XKR7: variants seen among roughly 807,000 people sequenced by gnomAD.
The protein encoded by XKR7 is XK-related protein 7.
XKR7 carries 11 observed loss-of-function variants against 42.2 expected under a neutral mutation model. The ratio of observed to expected loss-of-function variants is 0.26; its 90% confidence interval spans 0.16 to 0.43. The LOEUF (loss-of-function observed/expected upper bound fraction) is 0.43, where lower values mean the gene tolerates loss of function less well. Among genes scored for constraint, XKR7 ranks in the 20% least tolerant of loss-of-function variants. The pLI is 1.00. For missense variants in XKR7, 710 were observed against 802.2 expected (o/e 0.89, Z 1.39); for synonymous variants, 346 against 366.4 (o/e 0.94, Z 0.64).
chr20:31,984,071 G>GACCAACAT lies in XKR7; in HGVS notation c.585-10996_585-10989dup, dbSNP rs1238263316. 7.9e-5 allele frequency among the ~76,000 whole-genome samples: 12 copies of GACCAACAT among 152,026 alleles called. No individual in the cohort carries two copies. In the East Asian group the frequency reaches 2.3e-3, roughly 29 times the overall value. ...GAGGTCAAGAGTTTGAGACCAGCCT[G>GACCAACAT]ACCAACATGGTGAAACCCTGTCTCT... On this transcript the variant is annotated intron_variant, in intron 1 of 2. Transcript: ENST00000562532.
At chr20:31,993,123 T>TACACAC (rs757585119) in intron 1 of XKR7, among the ~76,000 whole-genome samples, 36 of 145,352 alleles carry the variant, frequency 2.5e-4, no homozygotes, top group African/African-American at 1.0e-3. Flanking sequence ...CACATACACA[T>TACACAC]ACACACACAC....
chr20:31,989,971 T>C (rs907335419), intron 1 of XKR7, among the ~76,000 whole-genome samples: 1 of 152,118 alleles, frequency 6.6e-6, no homozygotes, highest in Non-Finnish European at 1.5e-5. Flanking sequence ...TTCCCTTCCC[T>C]GAGGTGTGGT....
At position 32,001,028 on chromosome 20, in the gene XKR7, C is replaced by A. The variant is rs1316541850; in HGVS notation, c.*3571C>A. Reference sequence around the variant, plus strand: ...CATGAGAGTCGGGAAAGACAGAGGGCAGGGAAGGTGAGGCCTGGGGAAAGT... The same window carrying A: ...CATGAGAGTCGGGAAAGACAGAGGGAAGGGAAGGTGAGGCCTGGGGAAAGT... On this transcript the variant is annotated 3_prime_UTR_variant, in exon 3 of 3. Coordinates refer to ENST00000562532, the MANE Select transcript of XKR7 (RefSeq NM_001011718.2). 1 of 152,324 alleles carries A rather than the reference C, an allele frequency of 6.6e-6. No individual in the cohort carries two copies. Among genetic ancestry groups the A allele is most frequent in the Non-Finnish European group, 1.5e-5 (1 of 68,124 alleles). 9.4% of individuals were successfully genotyped at this position (152,324 alleles called of 1,614,324 possible).
At chr20:31,974,108 G>T (rs187827783) in intron 1 of XKR7, among the ~76,000 whole-genome samples, 2 of 152,256 alleles carry the variant, frequency 1.3e-5, no homozygotes, top group African/African-American at 4.8e-5. Context: ...CAGGAGAATC[G>T]CTTGAACCTG....
intron 1 of XKR7, among the ~76,000 whole-genome samples, chr20:31,973,731 A>T (rs571462312): frequency 1.3e-5 from 2 of 152,210 alleles, no homozygotes; most frequent in African/African-American, 4.8e-5. Context: ...ATGTTTGGAG[A>T]TGCTGGTGGA....
intron 1 of XKR7, among the ~76,000 whole-genome samples, chr20:31,973,304 C>T (rs1364975649): frequency 6.6e-6 from 1 of 152,148 alleles, no homozygotes; most frequent in Non-Finnish European, 1.5e-5. Context: ...GTCATTCATT[C>T]AGCAGACATT....
rs1294731061 is a variant in XKR7 at position 31,968,817 on chromosome 20, A to C, written c.584+58A>C. 2.8e-6 allele frequency: 4 copies of C among 1,446,034 alleles called. No homozygotes were observed. Among genetic ancestry groups the C allele is most frequent in the Non-Finnish European group, 3.6e-6 (4 of 1,104,964 alleles). 89.6% of individuals were successfully genotyped at this position (1,446,034 alleles called of 1,614,324 possible). The stretch of plus-strand genomic sequence containing the variant: ...CGAGGAGTGGGGGTGGCGAAGGGCT[A>C]CCTGACGTCCCAGCCCTGATCTGAC... On this transcript the variant is annotated intron_variant, in intron 1 of 2. Transcript: ENST00000562532. The surrounding 1 kb of genome is among the most constrained non-coding windows in gnomAD (Gnocchi z 4.5).
At chr20:31,991,364 T>C (rs2064570118) in intron 1 of XKR7, among the ~76,000 whole-genome samples, 1 of 152,196 alleles carries the variant, frequency 6.6e-6, no homozygotes, top group Non-Finnish European at 1.5e-5. Context: ...GCCTGTGTTC[T>C]AGGCCCTCAG....
intron 1 of XKR7, among the ~76,000 whole-genome samples, chr20:31,988,885 G>T (rs753359565): frequency 3.3e-5 from 5 of 152,076 alleles, no homozygotes; most frequent in African/African-American, 7.2e-5. Context: ...GCCCTGTAAG[G>T]TCAGGAGGGA....
Position 31,999,356 on chromosome 20 carries a change from A to ACACAAG in XKR7, c.*1911_*1916dup, listed in dbSNP as rs1159837328. On this transcript the variant is annotated 3_prime_UTR_variant, in exon 3 of 3. Coordinates refer to ENST00000562532, the MANE Select transcript of XKR7 (RefSeq NM_001011718.2). ...AGGGAGGGCCAGACTGCCCACATACACACAAGCACAAGCACAACCATGATA... is the reference window on the plus strand; with the variant it reads ...AGGGAGGGCCAGACTGCCCACATACACACAAGCACAAGCACAAGCACAACCATGATA... 1.3e-5 allele frequency: 2 copies of ACACAAG among 152,142 alleles called. No individual in the cohort carries two copies. The highest frequency in any genetic ancestry group is 6.6e-5 in the Admixed American group (1 of 15,266). The allele number at this position is 152,142 out of a possible 1,614,324, so 9.4% of individuals were successfully genotyped here.
At chr20:31,970,117 G>A (rs2064457753) in intron 1 of XKR7, 1 of 152,218 alleles carries the variant, frequency 6.6e-6, no homozygotes, top group African/African-American at 2.4e-5. Context: ...ACACAAGGTG[G>A]TGTTATTATT....
chr20:31,995,055 G>A lies in XKR7; in HGVS notation c.585-13G>A, dbSNP rs1174770651. ...CAGCGCGCGGGAGCCTGAGCACCGC[G>A]TCCTTCCCGCAGGTACCTGCGCGCC... On this transcript the variant is annotated splice_polypyrimidine_tract_variant and intron_variant, in intron 1 of 2. Coordinates refer to ENST00000562532, the MANE Select transcript of XKR7 (RefSeq NM_001011718.2). The surrounding 1 kb of genome is among the most constrained non-coding windows in gnomAD (Gnocchi z 4.1). 1.3e-6 allele frequency: 2 copies of A among 1,541,732 alleles called. No individual in the cohort carries two copies. Among genetic ancestry groups the A allele is most frequent in the Non-Finnish European group, 1.7e-6 (2 of 1,145,644 alleles).
At chr20:31,978,451 T>A (rs1292633102) in intron 1 of XKR7, among the ~76,000 whole-genome samples, 1 of 152,208 alleles carries the variant, frequency 6.6e-6, no homozygotes, top group Non-Finnish European at 1.5e-5. Flanking sequence ...CAGAAAAATT[T>A]AAACACTTGA....
intron 1 of XKR7, among the ~76,000 whole-genome samples, chr20:31,971,612 G>A (rs1006077813): frequency 6.6e-6 from 1 of 152,218 alleles, no homozygotes; most frequent in South Asian, 2.1e-4. Context: ...GGGTAATGAA[G>A]AGGGAGATGT....
intron 1 of XKR7, among the ~76,000 whole-genome samples, chr20:31,979,326 C>T (rs554446624): frequency 7.2e-5 from 11 of 152,164 alleles, no homozygotes; most frequent in African/African-American, 2.7e-4. Flanking sequence ...GAGATCCTCC[C>T]ACCTTGGCCT....
chr20:31,997,261 C>G lies in XKR7; in HGVS notation c.1544C>G (p.Thr515Ser). 1.2e-6 allele frequency: 2 copies of G among 1,612,286 alleles called. No individual in the cohort carries two copies. Among genetic ancestry groups the G allele is most frequent in the Non-Finnish European group, 1.7e-6 (2 of 1,179,984 alleles). ...PGLPPTPVAR[T>S]LRTEGPVIRI... ...TTGCCTCCCACACCAGTGGCCCGCACCTTGCGGACAGAGGGGCCTGTCATC... is the reference window on the plus strand; with the variant it reads ...TTGCCTCCCACACCAGTGGCCCGCAGCTTGCGGACAGAGGGGCCTGTCATC... The change falls in exon 3 of 3, where the codon ACC becomes AGC. Residue 515 changes from threonine to serine, a missense_variant. Transcript: ENST00000562532.
rs1473097531 is a variant in XKR7 at position 31,997,075 on chromosome 20, G to T, written c.1358G>T (p.Cys453Phe). 2 of 1,613,570 alleles carry T rather than the reference G, an allele frequency of 1.2e-6. No individual in the cohort carries two copies. Among genetic ancestry groups the T allele is most frequent in the African/African-American group, 1.3e-5 (1 of 74,948 alleles). Residue 453 changes from cysteine (C) to phenylalanine (F), a missense_variant, in exon 3 of 3, where the codon TGC becomes TTC. Cys to Phe is a radical substitution (Grantham distance 205, BLOSUM62 -2). This residue lies in a region of XKR7 where 708 missense variants were observed against 786.2 expected (regional missense o/e 0.90). Coordinates refer to ENST00000562532, the MANE Select transcript of XKR7 (RefSeq NM_001011718.2). ...GPMLGPQAPG[C>F]IFRKASEPCG... Reference sequence around the variant, plus strand: ...ATGCTGGGTCCCCAGGCACCTGGTTGCATCTTCCGTAAGGCCTCAGAGCCC... The same window carrying T: ...ATGCTGGGTCCCCAGGCACCTGGTTTCATCTTCCGTAAGGCCTCAGAGCCC...
rs2064612492 is a variant in XKR7 at position 31,999,208 on chromosome 20, T to C, written c.*1751T>C. 1 of 152,018 alleles carries C rather than the reference T, an allele frequency of 6.6e-6. No individual in the cohort carries two copies. Among genetic ancestry groups the C allele is most frequent in the African/African-American group, 2.4e-5 (1 of 41,366 alleles). The allele number at this position is 152,018 out of a possible 1,614,324, so 9.4% of individuals were successfully genotyped here. On this transcript the variant is annotated 3_prime_UTR_variant, in exon 3 of 3. Transcript: ENST00000562532. Reference sequence around the variant, plus strand: ...CCTCCCTGGTTCAGCCTCTCTTGGGTTACAGATGGGAAACTGAGGCCCAGA... The same window carrying C: ...CCTCCCTGGTTCAGCCTCTCTTGGGCTACAGATGGGAAACTGAGGCCCAGA...
chr20:31,970,032 C>A (rs2064457284), intron 1 of XKR7: 1 of 152,214 alleles, frequency 6.6e-6, no homozygotes, highest in Non-Finnish European at 1.5e-5. Flanking sequence ...CTTTGTTTCC[C>A]TATCTATTCC....
Sources: allele counts gnomAD v4.1 joint callset (sites outside exome capture counted in the v4.1 genomes callset), GRCh38; gene constraint gnomAD v4.1.1; regional missense constraint gnomAD v4.1.1; non-coding constraint Gnocchi (gnomAD v3.1); transcripts MANE v1.5; gene names NCBI Gene and HGNC (gene_info 2026-07-23, HGNC 2026-07-21).